Variants in KCTD16 observed in about 807,000 individuals in gnomAD.
KCTD16 encodes BTB/POZ domain-containing protein KCTD16.
Under a neutral mutation model 33.2 loss-of-function variants are expected in KCTD16, and 13 were observed. The observed-to-expected ratio is 0.39, with a 90% CI of 0.25 to 0.62. The LOEUF (loss-of-function observed/expected upper bound fraction) is 0.62. KCTD16 is among the 20% of genes least tolerant of loss of function. KCTD16 has a pLI of 0.50. For missense variants in KCTD16, 441 were observed against 525.1 expected, an observed-to-expected ratio of 0.84 and a Z score of 1.57; for synonymous variants, 197 against 195.3, an observed-to-expected ratio of 1.01 and a Z score of -0.07.
chr5:144,352,994 G>A (rs1013903760), intron 3 of KCTD16, among the ~76,000 whole-genome samples: 9 of 152,142 alleles, frequency 5.9e-5, no homozygotes, highest in Non-Finnish European at 1.2e-4. Context: ...TTCTAAGAAG[G>A]TAACATGCCT....
In KCTD16 at chr5:144,297,095, C is replaced by T. The variant is rs1037708248; in HGVS notation, c.832+89549C>T. Among the ~76,000 whole-genome samples, 7 of 152,300 alleles carry T rather than the reference C, an allele frequency of 4.6e-5. No homozygotes were observed. The East Asian group carries it at 1.3e-3, about 29-fold the overall frequency. ...AGGAATGGAAATGAGATTATAAGAG[C>T]CAATCTGGAAGATGCTATTAGATGT... On this transcript the variant is annotated intron_variant, in intron 3 of 3. Coordinates refer to ENST00000512467, the MANE Select transcript of KCTD16 (RefSeq NM_020768.4).
chr5:144,413,209 T>C (rs1752972686), intron 3 of KCTD16, among the ~76,000 whole-genome samples: 1 of 152,178 alleles, frequency 6.6e-6, no homozygotes, highest in African/African-American at 2.4e-5. Flanking sequence ...CCTAATCCAA[T>C]ATGACTGGTG....
chr5:144,377,231 C>G (rs988846286), intron 3 of KCTD16, among the ~76,000 whole-genome samples: 1 of 152,118 alleles, frequency 6.6e-6, no homozygotes, highest in Non-Finnish European at 1.5e-5. Context: ...ATCATCTTAA[C>G]TATAACATTT....
At chr5:144,425,367 C>A (rs1311855426) in intron 3 of KCTD16, among the ~76,000 whole-genome samples, 3 of 151,912 alleles carry the variant, frequency 2.0e-5, no homozygotes, top group Non-Finnish European at 4.4e-5. Flanking sequence ...CACCCAGCAG[C>A]TCTCTCAGGT....
At chr5:144,245,412 C>A (rs1754523246) in intron 3 of KCTD16, among the ~76,000 whole-genome samples, 1 of 152,252 alleles carries the variant, frequency 6.6e-6, no homozygotes, top group Admixed American at 6.5e-5. Flanking sequence ...TAGGAGTTAA[C>A]AAGACACATG....
At chr5:144,342,555 C>T (rs369552228) in intron 3 of KCTD16, among the ~76,000 whole-genome samples, 14 of 152,102 alleles carry the variant, frequency 9.2e-5, no homozygotes, top group Non-Finnish European at 1.5e-4. Context: ...CTTTTCCTAA[C>T]TGAATACCCT....
chr5:144,232,157 A>G (rs912335799), intron 3 of KCTD16, among the ~76,000 whole-genome samples: 3 of 152,308 alleles, frequency 2.0e-5, no homozygotes, highest in Admixed American at 2.0e-4. Flanking sequence ...TTAACCCTTC[A>G]TTAAGAACAA....
In KCTD16 at chr5:144,474,893, A is replaced by C. The variant is rs1269447159; in HGVS notation, c.*779A>C. Reference sequence around the variant, plus strand: ...TCCTTATTGTGAAATTAATACCCTCAGGCTCCATTTTACTGCTTTGCTCTT... The same window carrying C: ...TCCTTATTGTGAAATTAATACCCTCCGGCTCCATTTTACTGCTTTGCTCTT... On this transcript the variant is annotated 3_prime_UTR_variant, in exon 4 of 4. Transcript: ENST00000512467. 2 of 152,200 alleles carry C rather than the reference A, an allele frequency of 1.3e-5. No homozygotes were observed. Among genetic ancestry groups the C allele is most frequent in the East Asian group, 1.9e-4 (1 of 5,202 alleles). The allele number at this position is 152,200 out of a possible 1,614,324, so 9.4% of individuals were successfully genotyped here. A position where few individuals can be genotyped will look rare whatever the true frequency, so the allele number is the denominator to read the frequency against.
At chr5:144,179,711 T>G (rs948045043) in intron 2 of KCTD16, among the ~76,000 whole-genome samples, 12 of 152,248 alleles carry the variant, frequency 7.9e-5, no homozygotes, top group South Asian at 4.1e-4. Context: ...TGACAAAGAT[T>G]AGGTGATAAA....
At chr5:144,423,927 G>T (rs1753266170) in intron 3 of KCTD16, among the ~76,000 whole-genome samples, 1 of 152,108 alleles carries the variant, frequency 6.6e-6, no homozygotes, top group African/African-American at 2.4e-5. Flanking sequence ...ACTAATGACA[G>T]CTGATGAGCT....
At chr5:144,345,260 G>C (rs547127970) in intron 3 of KCTD16, among the ~76,000 whole-genome samples, 7 of 150,996 alleles carry the variant, frequency 4.6e-5, no homozygotes, top group South Asian at 2.1e-4. Context: ...TGCTAAATGA[G>C]GAGTTAATGG....
chr5:144,264,646 G>A (rs903187192), intron 3 of KCTD16, among the ~76,000 whole-genome samples: 3 of 152,200 alleles, frequency 2.0e-5, no homozygotes, highest in African/African-American at 4.8e-5. Flanking sequence ...GGTGGTGCCC[G>A]CCTGTGATTC....
At chr5:144,317,441 T>C (rs1286154530) in intron 3 of KCTD16, among the ~76,000 whole-genome samples, 1 of 152,164 alleles carries the variant, frequency 6.6e-6, no homozygotes, top group Non-Finnish European at 1.5e-5. Context: ...GGCCTCAGAC[T>C]CTCTGGGAAT....
chr5:144,301,059 G>A (rs1344442088), intron 3 of KCTD16, among the ~76,000 whole-genome samples: 3 of 151,946 alleles, frequency 2.0e-5, no homozygotes, highest in South Asian at 2.1e-4. Context: ...AGGCCAACAC[G>A]GTGAAACCCC....
intron 3 of KCTD16, among the ~76,000 whole-genome samples, chr5:144,338,955 T>C (rs1752560315): frequency 6.6e-6 from 1 of 152,214 alleles, no homozygotes; most frequent in Admixed American, 6.5e-5. Context: ...ATGTTAGCAT[T>C]GTGCTTTATA....
intron 3 of KCTD16, among the ~76,000 whole-genome samples, chr5:144,442,466 T>A (rs1753734086): frequency 6.6e-6 from 1 of 151,798 alleles, no homozygotes; most frequent in Non-Finnish European, 1.5e-5. Context: ...TCTTTCTTTC[T>A]TTCTTTCTTT....
chr5:144,251,406 A>G lies in KCTD16; in HGVS notation c.832+43860A>G, dbSNP rs537217780. 7.2e-4 allele frequency among the ~76,000 whole-genome samples: 109 copies of G among 152,318 alleles called. 1 individual carries two copies. The highest frequency in any genetic ancestry group is 2.3e-3 in the African/African-American group (95 of 41,586). On this transcript the variant is annotated intron_variant, in intron 3 of 3. Transcript: ENST00000512467. The stretch of plus-strand genomic sequence containing the variant: ...TTATAAACATAGGCTTATTTTGAGC[A>G]TTATGAGATATTACATATTCATTAG...
chr5:144,402,132 T>C (rs1752715573), intron 3 of KCTD16, among the ~76,000 whole-genome samples: 1 of 152,134 alleles, frequency 6.6e-6, no homozygotes, highest in Admixed American at 6.5e-5. Context: ...CAGGTCAACT[T>C]AGTGTACAAG....
intron 3 of KCTD16, among the ~76,000 whole-genome samples, chr5:144,292,286 G>A (rs1265418634): frequency 2.0e-5 from 3 of 152,200 alleles, no homozygotes; most frequent in Non-Finnish European, 4.4e-5. Flanking sequence ...AAAATGAATG[G>A]AGGACTGAGT....
Sources: allele counts gnomAD v4.1 joint callset (sites outside exome capture counted in the v4.1 genomes callset), GRCh38; gene constraint gnomAD v4.1.1; transcripts MANE v1.5; gene names NCBI Gene and HGNC (gene_info 2026-07-23, HGNC 2026-07-21).